ARHGAP10: variants seen among roughly 807,000 people sequenced by gnomAD.
ARHGAP10 encodes Rho GTPase activating protein 10, also known as rho GTPase-activating protein 10.
In ARHGAP10, 87 loss-of-function variants were observed where a neutral mutation model predicts 108.6. That is an observed-to-expected ratio of 0.80 (90% CI 0.67 to 0.96). The LOEUF (loss-of-function observed/expected upper bound fraction) is 0.96. ARHGAP10 is among the 40% of genes least tolerant of loss of function. ARHGAP10 has a pLI of 0.00. For synonymous variants in ARHGAP10, 347 were observed against 341.1 expected, an observed-to-expected ratio of 1.02 and a Z score of -0.19; for missense variants, 939 against 954.5, an observed-to-expected ratio of 0.98 and a Z score of 0.21.
Position 147,955,373 on chromosome 4 carries a change from C to T in ARHGAP10, c.1449C>T (p.Ala483=), listed in dbSNP as rs764198401. ...YELHGDFIVP[A]KSGSPESRVN... is the part of the protein sequence containing the mutation. Reference sequence around the variant, plus strand: ...TACATGGAGATTTCATTGTTCCAGCCAGTAAGTATTATGTAAAGGTATATA... The same window carrying T: ...TACATGGAGATTTCATTGTTCCAGCTAGTAAGTATTATGTAAAGGTATATA... The change falls in exon 16 of 23, where the codon GCC becomes GCT. Residue 483 remains alanine (A), a splice_region_variant and synonymous_variant. Coordinates refer to ENST00000336498, the MANE Select transcript of ARHGAP10 (RefSeq NM_024605.4). 10 of 1,610,114 alleles carry T rather than the reference C, an allele frequency of 6.2e-6. No homozygotes were observed. The Admixed American group carries it at 1.5e-4, about 24-fold the overall frequency.
chr4:147,994,291 A>G (rs908986954), intron 18 of ARHGAP10, among the ~76,000 whole-genome samples: 26 of 152,210 alleles, frequency 1.7e-4, no homozygotes, highest in African/African-American at 4.8e-4. Flanking sequence ...AAATCCCTGT[A>G]TTTGATTTCA....
At chr4:147,876,793 C>G (rs1043359084) in intron 8 of ARHGAP10, among the ~76,000 whole-genome samples, 3 of 152,170 alleles carry the variant, frequency 2.0e-5, no homozygotes, top group Non-Finnish European at 4.4e-5. Flanking sequence ...GTATACCCAG[C>G]ACTGTGCTAA....
At chr4:147,763,746 CTTTTTTTTTTTT>C (rs35774782) in intron 1 of ARHGAP10, among the ~76,000 whole-genome samples, 3 of 93,176 alleles carry the variant, frequency 3.2e-5, no homozygotes, top group Admixed American at 1.6e-4. Flanking sequence ...ATGGTGATTC[CTTTTTTTTTTTT>C]TTTTTTTTTT....
chr4:147,887,408 G>A (rs942058737), intron 10 of ARHGAP10, among the ~76,000 whole-genome samples: 7 of 148,244 alleles, frequency 4.7e-5, no homozygotes, highest in African/African-American at 1.5e-4. Flanking sequence ...TTTGGCTCCC[G>A]GCAGCAAGTG....
intron 4 of ARHGAP10, chr4:147,854,882 C>G: frequency 1.0e-6 from 1 of 984,978 alleles, no homozygotes; most frequent in Non-Finnish European, 1.2e-6. Context: ...TGGCTAAATT[C>G]TTTCTTCATA....
intron 1 of ARHGAP10, among the ~76,000 whole-genome samples, chr4:147,787,832 A>G (rs1342715947): frequency 2.6e-5 from 4 of 152,128 alleles, no homozygotes; most frequent in Admixed American, 2.6e-4. Flanking sequence ...CCTGGGGGGA[A>G]GACAGCAGCA....
chr4:147,741,800 A>ACGCACG (rs139305144), intron 1 of ARHGAP10, among the ~76,000 whole-genome samples: 9 of 138,976 alleles, frequency 6.5e-5, no homozygotes, highest in Non-Finnish European at 1.1e-4. Flanking sequence ...ACGCACACAC[A>ACGCACG]CACACACACA....
chr4:147,865,305 G>T (rs565715980), intron 6 of ARHGAP10: 1 of 166,836 alleles, frequency 6.0e-6, no homozygotes, highest in Admixed American at 6.2e-5. Context: ...TGTTTATACC[G>T]GTTCAAACTT....
intron 1 of ARHGAP10, among the ~76,000 whole-genome samples, chr4:147,735,647 G>A (rs1481805537): frequency 2.0e-5 from 3 of 152,210 alleles, no homozygotes; most frequent in Non-Finnish European, 4.4e-5. Flanking sequence ...TGACATAATA[G>A]CAAAGAGATG....
At chr4:147,971,676 G>A (rs1739411283) in intron 18 of ARHGAP10, among the ~76,000 whole-genome samples, 1 of 152,182 alleles carries the variant, frequency 6.6e-6, no homozygotes, top group African/African-American at 2.4e-5. Context: ...ATGGGCAAAT[G>A]GCAGGAGATG....
intron 16 of ARHGAP10, among the ~76,000 whole-genome samples, chr4:147,955,708 A>G (rs76564917): frequency 0.016 from 2,506 of 152,230 alleles, 50 homozygotes; most frequent in African/African-American, 0.047. Context: ...CATGAGCAAA[A>G]TGCTGAGGGA....
chr4:148,032,624 A>G (rs1019046643), intron 19 of ARHGAP10, among the ~76,000 whole-genome samples: 11 of 152,136 alleles, frequency 7.2e-5, no homozygotes, highest in African/African-American at 2.4e-4. Context: ...ATAGATGTAT[A>G]TATTGAAGGG....
At chr4:147,927,784 A>G (rs1425160743) in intron 13 of ARHGAP10, among the ~76,000 whole-genome samples, 1 of 152,012 alleles carries the variant, frequency 6.6e-6, no homozygotes, top group Non-Finnish European at 1.5e-5. Context: ...GCTGTGAGAT[A>G]CTCCTTTTGC....
rs1739611115 is a variant in ARHGAP10, at chr4:147,976,739, T to C, written c.1716+9900T>C. Among the ~76,000 whole-genome samples the C allele has an allele frequency of 3.3e-5, 5 of 152,212 alleles. No homozygotes were observed. In the South Asian group the frequency reaches 1.0e-3, roughly 32 times the overall value. On this transcript the variant is annotated intron_variant, in intron 18 of 22. Coordinates refer to ENST00000336498, the MANE Select transcript of ARHGAP10 (RefSeq NM_024605.4). Reference sequence around the variant, plus strand: ...GGAAGCTTCTGCTGTCATGTGGCTCTGTAAATGGTAGATTGTATTTTCCCT... The same window carrying C: ...GGAAGCTTCTGCTGTCATGTGGCTCCGTAAATGGTAGATTGTATTTTCCCT...
intron 1 of ARHGAP10, among the ~76,000 whole-genome samples, chr4:147,739,628 G>A (rs894719965): frequency 5.9e-5 from 9 of 152,124 alleles, no homozygotes; most frequent in African/African-American, 1.9e-4. Flanking sequence ...GAGCTGTTAG[G>A]TAATCCTGTT....
intron 16 of ARHGAP10, among the ~76,000 whole-genome samples, chr4:147,958,893 G>A (rs1402401362): frequency 6.6e-6 from 1 of 152,194 alleles, no homozygotes. Context: ...ACATTACAGT[G>A]TGGTAGATGC....
rs568929346 is a variant in ARHGAP10, at chr4:148,023,029, A to G, written c.1717-234A>G. 342 of 426,852 alleles carry G rather than the reference A, an allele frequency of 8.0e-4. 1 individual carries two copies. The highest frequency in any genetic ancestry group is 5.6e-3 in the African/African-American group (284 of 51,080). The allele number at this position is 426,852 out of a possible 1,614,324, so 26.4% of individuals were successfully genotyped here. A position where few individuals can be genotyped will look rare whatever the true frequency, so the allele number is the denominator to read the frequency against. ...TTAGTTTTGGAATGAATTATTTGAT[A>G]TATAACAATCTGATGTTGTTTTGAT... On this transcript the variant is annotated intron_variant, in intron 18 of 22. Coordinates refer to ENST00000336498, the MANE Select transcript of ARHGAP10 (RefSeq NM_024605.4).
intron 18 of ARHGAP10, among the ~76,000 whole-genome samples, chr4:148,000,882 T>A (rs551876328): frequency 1.1e-4 from 17 of 152,330 alleles, no homozygotes; most frequent in South Asian, 6.2e-4. Context: ...AGGTTGCCTG[T>A]TCACTCTGAT....
intron 3 of ARHGAP10, among the ~76,000 whole-genome samples, chr4:147,837,643 G>T (rs116004061): frequency 7.7e-4 from 54 of 70,216 alleles, no homozygotes; most frequent in South Asian, 3.0e-3. Context: ...TCTGGTCACT[G>T]TTTTTTTTTT....
Sources: allele counts gnomAD v4.1 joint callset (sites outside exome capture counted in the v4.1 genomes callset), GRCh38; gene constraint gnomAD v4.1.1; transcripts MANE v1.5; gene names NCBI Gene and HGNC (gene_info 2026-07-23, HGNC 2026-07-21).